The following EIF2AK1 variants were observed in gnomAD, a reference collection of about 807,000 sequenced individuals.
EIF2AK1 encodes the protein eukaryotic translation initiation factor 2-alpha kinase 1.
EIF2AK1 carries 54 observed loss-of-function variants against 77.9 expected under a neutral mutation model. That is an observed-to-expected ratio of 0.69 (90% CI 0.56 to 0.87). The LOEUF (loss-of-function observed/expected upper bound fraction) is 0.87. EIF2AK1 is among the 40% of genes least tolerant of loss of function. The pLI, the probability that EIF2AK1 is intolerant of heterozygous loss-of-function variation, is 0.00. For missense variants in EIF2AK1, 810 were observed against 768.6 expected, an observed-to-expected ratio of 1.05 and a Z score of -0.64; for synonymous variants, 314 against 290.5, an observed-to-expected ratio of 1.08 and a Z score of -0.82.
intron 1 of EIF2AK1, among the ~76,000 whole-genome samples, chr7:6,056,316 C>T (rs1174912995): frequency 1.5e-5 from 2 of 129,548 alleles, no homozygotes; most frequent in Non-Finnish European, 3.3e-5. Context: ...AAAAAAAGGC[C>T]GGGTACGGTG....
At chr7:6,048,576 G>C (rs890272669) in intron 4 of EIF2AK1, among the ~76,000 whole-genome samples, 3 of 152,178 alleles carry the variant, frequency 2.0e-5, no homozygotes, top group Non-Finnish European at 4.4e-5. Flanking sequence ...TCAGGAATCT[G>C]AATTAACAGT....
At chr7:6,051,435 C>A (rs1238947520) in intron 2 of EIF2AK1, among the ~76,000 whole-genome samples, 1 of 151,898 alleles carries the variant, frequency 6.6e-6, no homozygotes, top group East Asian at 1.9e-4. Flanking sequence ...CCACGCCTGG[C>A]TAATTTTTTT....
chr7:6,042,366 G>A (rs913866774), intron 8 of EIF2AK1, among the ~76,000 whole-genome samples: 17 of 151,158 alleles, frequency 1.1e-4, no homozygotes, highest in African/African-American at 3.7e-4. Context: ...CAGGAGGATC[G>A]CTTAAACCTG....
chr7:6,034,904 C>T (rs1463593499), intron 11 of EIF2AK1, among the ~76,000 whole-genome samples: 1 of 152,118 alleles, frequency 6.6e-6, no homozygotes, highest in Non-Finnish European at 1.5e-5. Flanking sequence ...CACACTCACG[C>T]AGAAAAATGT....
At chr7:6,049,246 C>CTAAG (rs10676148) in intron 3 of EIF2AK1, among the ~76,000 whole-genome samples, 101,135 of 151,656 alleles carry the variant, frequency 0.67, 34,031 homozygotes, top group East Asian at 0.85. Context: ...TCCCATCTTA[C>CTAAG]TAAAAACCAT....
In EIF2AK1 at chr7:6,023,583, C is replaced by T. The variant is rs753260652; in HGVS notation, c.*1090G>A. On this transcript the variant is annotated 3_prime_UTR_variant, in exon 15 of 15. Transcript: ENST00000199389. The stretch of plus-strand genomic sequence containing the variant: ...CAGACGTGGTGCTGTGGTCTGTACT[C>T]CAGCAGATCGGAGGCTGCAGTGTGA... 1 of 1,614,090 alleles carries T rather than the reference C, an allele frequency of 6.2e-7. No individual in the cohort carries two copies. The highest frequency in any genetic ancestry group is 1.3e-5 in the African/African-American group (1 of 74,926).
Position 6,033,859 on chromosome 7 carries a change from G to A in EIF2AK1, c.1332+3565C>T, listed in dbSNP as rs1169817479. Among the ~76,000 whole-genome samples the A allele has an allele frequency of 2.0e-5, 3 of 151,874 alleles. No individual in the cohort carries two copies. The highest frequency in any genetic ancestry group is 3.9e-4 in the East Asian group (2 of 5,108). ...GCTGGGATTACAGGCGTGAGCCGCC[G>A]TGCCTGGCCGACAATGGATTTTCTT... is the stretch of plus-strand genomic sequence containing the variant. On this transcript the variant is annotated intron_variant, in intron 11 of 14. Transcript: ENST00000199389. This position sits in a 1 kb window ranked among gnomAD's most constrained non-coding sequence, Gnocchi z 4.4.
At chr7:6,028,557 T>C (rs1439758649) in intron 13 of EIF2AK1, 58 bp downstream of exon 13, 9 of 1,554,770 alleles carry the variant, frequency 5.8e-6, no homozygotes, top group Admixed American at 5.0e-5. Flanking sequence ...CAACCCTGTA[T>C]TGTTATTTAA....
intron 1 of EIF2AK1, 35 bp downstream of exon 1, chr7:6,058,931 G>A: frequency 1.3e-6 from 2 of 1,485,262 alleles, no homozygotes; most frequent in Middle Eastern, 1.7e-4. Flanking sequence ...TGGACAGAGA[G>A]AGCAGAGCGG....
rs1259849289 is a variant in EIF2AK1, at chr7:6,048,857, A to T, written c.412-13T>A. 6.4e-7 allele frequency: 1 copy of T among 1,569,838 alleles called. No homozygotes were observed. Among genetic ancestry groups the T allele is most frequent in the Admixed American group, 2.1e-5 (1 of 48,346 alleles). ...CCTCACAAGGATCCTACAATTAAAA[A>T]ATTGTTTTTAAAAAGCATTTTGAAA... is the stretch of plus-strand genomic sequence containing the variant. On this transcript the variant is annotated splice_polypyrimidine_tract_variant and intron_variant, in intron 3 of 14. Transcript: ENST00000199389.
At chr7:6,042,897 A>G (rs749932757) in intron 8 of EIF2AK1, 36 bp downstream of exon 8, 1 of 1,573,444 alleles carries the variant, frequency 6.4e-7, no homozygotes, top group South Asian at 1.1e-5. Flanking sequence ...AATGCAGGTG[A>G]CAAGAGGTAA....
intron 8 of EIF2AK1, 77 bp downstream of exon 8, chr7:6,042,856 A>G: frequency 7.9e-7 from 1 of 1,262,776 alleles, no homozygotes; most frequent in Non-Finnish European, 1.1e-6. Context: ...ACAGAGCGAG[A>G]CTCTGTCGCC....
intron 11 of EIF2AK1, among the ~76,000 whole-genome samples, chr7:6,034,482 G>A (rs999348602): frequency 6.6e-6 from 1 of 151,892 alleles, no homozygotes; most frequent in Non-Finnish European, 1.5e-5. Context: ...CTCCTTAGGG[G>A]ACCCTTTCCT....
At position 6,035,635 on chromosome 7, in the gene EIF2AK1, G is replaced by C; in HGVS notation, c.1332+1789C>G. ...ACTCAAGGGGAAATCAGCAACAAACGTTCACCACTCCACCTGGCCATAGCA... is the reference window on the plus strand; with the variant it reads ...ACTCAAGGGGAAATCAGCAACAAACCTTCACCACTCCACCTGGCCATAGCA... On this transcript the variant is annotated intron_variant, in intron 11 of 14. Coordinates refer to ENST00000199389, the MANE Select transcript of EIF2AK1 (RefSeq NM_014413.4). The surrounding 1 kb of genome is among the most constrained non-coding windows in gnomAD (Gnocchi z 5.5). 2 of 1,550,572 alleles carry C rather than the reference G, an allele frequency of 1.3e-6. No individual in the cohort carries two copies. Among genetic ancestry groups the C allele is most frequent in the Admixed American group, 2.0e-5 (1 of 50,966 alleles).
Position 6,033,328 on chromosome 7 carries a change from T to C in EIF2AK1, c.1332+4096A>G, listed in dbSNP as rs561283568. 3.9e-5 allele frequency among the ~76,000 whole-genome samples: 6 copies of C among 152,206 alleles called. No homozygotes were observed. Among genetic ancestry groups the C allele is most frequent in the Non-Finnish European group, 8.8e-5 (6 of 68,040 alleles). ...TGATATAGATTTTTTTTTCAGTTCATACATTTTTTCCACTTATGTTTGGAC... is the reference window on the plus strand; with the variant it reads ...TGATATAGATTTTTTTTTCAGTTCACACATTTTTTCCACTTATGTTTGGAC... On this transcript the variant is annotated intron_variant, in intron 11 of 14. Transcript: ENST00000199389. This position sits in a 1 kb window ranked among gnomAD's most constrained non-coding sequence, Gnocchi z 4.4.
At chr7:6,038,367 C>A (rs959735231) in intron 10 of EIF2AK1, among the ~76,000 whole-genome samples, 193 bp downstream of exon 10, 1 of 151,952 alleles carries the variant, frequency 6.6e-6, no homozygotes, top group Non-Finnish European at 1.5e-5. Context: ...CCAGGGAGGC[C>A]AAGGCTATAG....
chr7:6,038,512 G>A (rs369598527), intron 10 of EIF2AK1, 48 bp downstream of exon 10: 34 of 1,438,696 alleles, frequency 2.4e-5, no homozygotes, highest in Non-Finnish European at 3.2e-5. Context: ...GATGGGGAAG[G>A]TGTGACTGTG....
chr7:6,058,534 G>T (rs1788859259), intron 1 of EIF2AK1, among the ~76,000 whole-genome samples: 1 of 152,154 alleles, frequency 6.6e-6, no homozygotes, highest in Admixed American at 6.5e-5. Context: ...AAGCTCCAAT[G>T]AAGCAAAAGA....
At chr7:6,048,683 G>T in intron 4 of EIF2AK1, 124 bp downstream of exon 4, 1 of 791,904 alleles carries the variant, frequency 1.3e-6, no homozygotes, top group Non-Finnish European at 2.0e-6. Flanking sequence ...TAATTGCTGA[G>T]AACAAAGTTT....
Sources: gnomAD v4.1 joint callset for allele counts (sites outside exome capture counted in the v4.1 genomes callset) on GRCh38, gnomAD v4.1.1 for gene constraint, Gnocchi (gnomAD v3.1) non-coding constraint, MANE v1.5 for transcripts, NCBI Gene and HGNC (gene_info 2026-07-23, HGNC 2026-07-21) for gene names.